PPM1H: variants seen among roughly 807,000 people sequenced by gnomAD.
The protein encoded by PPM1H is protein phosphatase 1H.
Under a neutral mutation model 54.9 loss-of-function variants are expected in PPM1H, and 27 were observed. The ratio of observed to expected loss-of-function variants is 0.49; its 90% CI spans 0.36 to 0.68. The LOEUF (loss-of-function observed/expected upper bound fraction) is 0.68. PPM1H is among the 30% of genes least tolerant of loss of function. The pLI is 0.00. For missense variants in PPM1H, 596 were observed against 667.8 expected (o/e 0.89, Z 1.19); for synonymous variants, 305 against 270.8 (o/e 1.13, Z -1.24).
At chr12:62,744,887 C>T (rs997208808) in intron 4 of PPM1H, among the ~76,000 whole-genome samples, 4 of 152,184 alleles carry the variant, frequency 2.6e-5, no homozygotes, top group African/African-American at 9.7e-5. Context: ...CTACAACCCT[C>T]GGTCCACAAA....
intron 8 of PPM1H, among the ~76,000 whole-genome samples, chr12:62,683,609 A>T (rs1326884350): frequency 6.6e-6 from 1 of 152,216 alleles, no homozygotes; most frequent in Non-Finnish European, 1.5e-5. Context: ...ACCTGATAGG[A>T]ATCTTGATAA....
intron 9 of PPM1H, 123 bp downstream of exon 9, chr12:62,667,055 G>C: frequency 8.9e-7 from 1 of 1,119,904 alleles, no homozygotes; most frequent in Non-Finnish European, 1.2e-6. Flanking sequence ...CTGCAGTTTG[G>C]TTACTGTACC....
chr12:62,770,762 T>C (rs2076574641), intron 4 of PPM1H, among the ~76,000 whole-genome samples: 1 of 152,168 alleles, frequency 6.6e-6, no homozygotes, highest in South Asian at 2.1e-4. Context: ...TGAATCAGTG[T>C]GAAAATGGAT....
chr12:62,715,131 T>C (rs541110562), intron 6 of PPM1H, among the ~76,000 whole-genome samples: 4 of 152,328 alleles, frequency 2.6e-5, no homozygotes, highest in East Asian at 1.9e-4. Flanking sequence ...CTCGGTAACA[T>C]AGACACTTGC....
intron 4 of PPM1H, among the ~76,000 whole-genome samples, chr12:62,769,099 T>C (rs4763195): frequency 0.095 from 14,455 of 152,158 alleles, 765 homozygotes; most frequent in South Asian, 0.15. Flanking sequence ...TGCAGAAATG[T>C]TGGGTCAACC....
chr12:62,715,196 C>T (rs1567632), intron 6 of PPM1H, among the ~76,000 whole-genome samples: 4,716 of 152,260 alleles, frequency 0.031, 111 homozygotes, highest in Non-Finnish European at 0.042. Flanking sequence ...ATACACTGCT[C>T]TCAAGGCAAC....
intron 4 of PPM1H, among the ~76,000 whole-genome samples, chr12:62,765,238 T>C (rs562776998): frequency 1.2e-3 from 178 of 152,124 alleles, no homozygotes; most frequent in Non-Finnish European, 2.3e-3. Context: ...CCACGAGATG[T>C]CATCTGGAAT....
Position 62,662,489 on chromosome 12 carries a change from G to A in PPM1H, c.1397+4689C>T, listed in dbSNP as rs114834293. Among the ~76,000 whole-genome samples, 65 of 152,252 alleles carry A rather than the reference G, an allele frequency of 4.3e-4. 1 individual carries two copies. Among genetic ancestry groups the A allele is most frequent in the African/African-American group, 1.4e-3 (58 of 41,550 alleles). On this transcript the variant is annotated intron_variant, in intron 9 of 9. Transcript: ENST00000228705. ...CCTGAATTTCTGTTGTGAAATATGT[G>A]AGACATAACAACACACACATCTATT...
chr12:62,815,873 C>A (rs1445568660), intron 2 of PPM1H, among the ~76,000 whole-genome samples: 3 of 152,030 alleles, frequency 2.0e-5, no homozygotes, highest in Admixed American at 2.0e-4. Context: ...ATGGTTTATG[C>A]AAATGATGGT....
chr12:62,854,935 G>A (rs921096068), intron 1 of PPM1H, among the ~76,000 whole-genome samples: 4 of 152,254 alleles, frequency 2.6e-5, no homozygotes, highest in South Asian at 2.1e-4. Context: ...CTATGACCCT[G>A]ACCCTCACCC....
rs111550368 is a variant in PPM1H at position 62,829,943 on chromosome 12, T to C, written c.411+2171A>G. On this transcript the variant is annotated intron_variant, in intron 2 of 9. Transcript: ENST00000228705. ...CAACACTAAGTCACTGGCGCCCCTA[T>C]TCAATGATCATGAACACTTCACGCT... is the stretch of plus-strand genomic sequence containing the variant. 9.8e-5 allele frequency among the ~76,000 whole-genome samples: 15 copies of C among 152,354 alleles called. 1 individual carries two copies. The highest frequency in any genetic ancestry group is 3.6e-4 in the African/African-American group (15 of 41,588).
chr12:62,672,177 C>T (rs1232831248), intron 8 of PPM1H, among the ~76,000 whole-genome samples: 1 of 152,082 alleles, frequency 6.6e-6, no homozygotes, highest in African/African-American at 2.4e-5. Flanking sequence ...TCTGATCTAC[C>T]CTGGAAGACT....
In PPM1H at chr12:62,644,297, T is replaced by G. The variant is rs1179760769; in HGVS notation, c.*4192A>C. 3 of 151,924 alleles carry G rather than the reference T, an allele frequency of 2.0e-5. No homozygotes were observed. Among genetic ancestry groups the G allele is most frequent in the Admixed American group, 2.0e-4 (3 of 15,248 alleles). The allele number at this position is 151,924 out of a possible 1,614,324, so 9.4% of individuals were successfully genotyped here. On this transcript the variant is annotated 3_prime_UTR_variant, in exon 10 of 10. Coordinates refer to ENST00000228705, the MANE Select transcript of PPM1H (RefSeq NM_020700.2). The stretch of plus-strand genomic sequence containing the variant: ...GATCTCCACCATGGGCCTCCCTGGG[T>G]CTCCAGAAAAAAAACAAAGAAAACT...
chr12:62,662,747 C>CACAA (rs1283778881), intron 9 of PPM1H, among the ~76,000 whole-genome samples: 6 of 152,076 alleles, frequency 3.9e-5, no homozygotes, highest in African/African-American at 1.4e-4. Context: ...TTAAAAATAA[C>CACAA]ACAAACAACA....
At chr12:62,870,710 G>A (rs1869944890) in intron 1 of PPM1H, among the ~76,000 whole-genome samples, 1 of 152,158 alleles carries the variant, frequency 6.6e-6, no homozygotes, top group South Asian at 2.1e-4. Context: ...AACACCCAGG[G>A]ACTTAATGCT....
chr12:62,838,036 G>A (rs1000519650), intron 1 of PPM1H, among the ~76,000 whole-genome samples: 3 of 152,054 alleles, frequency 2.0e-5, no homozygotes, highest in African/African-American at 7.2e-5. Context: ...TTCCCACCCC[G>A]ATCTGCCCAC....
intron 1 of PPM1H, among the ~76,000 whole-genome samples, chr12:62,925,823 G>A (rs546559111): frequency 5.3e-5 from 8 of 152,326 alleles, no homozygotes; most frequent in African/African-American, 1.9e-4. Context: ...AGGTCTGCAA[G>A]GCAGGGCAGC....
At chr12:62,832,533 G>T (rs1868383505) in intron 1 of PPM1H, among the ~76,000 whole-genome samples, 1 of 152,180 alleles carries the variant, frequency 6.6e-6, no homozygotes, top group Admixed American at 6.5e-5. Flanking sequence ...GTGTCTGATA[G>T]ATGTGATCAA....
At position 62,754,979 on chromosome 12, in the gene PPM1H, G is replaced by A. The variant is rs546217415; in HGVS notation, c.870-17393C>T. 3.3e-4 allele frequency among the ~76,000 whole-genome samples: 50 copies of A among 152,240 alleles called. No individual in the cohort carries two copies. The East Asian group carries it at 9.1e-3, about 28-fold the overall frequency. On this transcript the variant is annotated intron_variant, in intron 4 of 9. Transcript: ENST00000228705. ...TGGGTGGCCTTCAGCTCTCTACCAC[G>A]CAGGTCAATTCAGTTCTGAGAGATG...
Sources: gnomAD v4.1 joint callset for allele counts (sites outside exome capture counted in the v4.1 genomes callset) on GRCh38, gnomAD v4.1.1 for gene constraint, MANE v1.5 for transcripts, NCBI Gene and HGNC (gene_info 2026-07-23, HGNC 2026-07-21) for gene names.